CDH12: variants seen among roughly 807,000 people sequenced by gnomAD.
CDH12 encodes cadherin-12.
Under a neutral mutation model 74.1 loss-of-function variants are expected in CDH12, and 41 were observed. The observed-to-expected ratio is 0.55, with a 90% CI of 0.43 to 0.72. The LOEUF (loss-of-function observed/expected upper bound fraction) is 0.72, where lower values mean the gene tolerates loss of function less well. Among genes scored for constraint, CDH12 ranks in the 30% least tolerant of loss-of-function variants. The pLI, the probability that CDH12 is intolerant of heterozygous loss-of-function variation, is 0.00. For missense variants in CDH12, 945 were observed against 977.2 expected (o/e 0.97, Z 0.44); for synonymous variants, 399 against 355.0 (o/e 1.12, Z -1.39).
chr5:22,144,026 A>ACTGATT (rs1243067603), intron 4 of CDH12: 1 of 152,022 alleles, frequency 6.6e-6, no homozygotes, highest in East Asian at 1.9e-4. Flanking sequence ...TTATTGACGT[A>ACTGATT]CTGATTATTC....
intron 6 of CDH12, among the ~76,000 whole-genome samples, chr5:21,885,800 T>C (rs940611714): frequency 6.6e-6 from 1 of 152,148 alleles, no homozygotes; most frequent in Non-Finnish European, 1.5e-5. Flanking sequence ...TATCAGTATA[T>C]TATTAAATCT....
chr5:22,172,129 A>G (rs1749067757), intron 4 of CDH12, among the ~76,000 whole-genome samples: 1 of 151,924 alleles, frequency 6.6e-6, no homozygotes, highest in Non-Finnish European at 1.5e-5. Context: ...AAAAGAACAA[A>G]TATTTTCTTC....
intron 2 of CDH12, among the ~76,000 whole-genome samples, chr5:22,433,624 T>G (rs1050110995): frequency 6.6e-6 from 1 of 152,112 alleles, no homozygotes; most frequent in African/African-American, 2.4e-5. Flanking sequence ...AAAATTTTAA[T>G]AGATTTGAAT....
intron 3 of CDH12, among the ~76,000 whole-genome samples, chr5:22,328,640 A>C (rs1739222586): frequency 6.6e-6 from 1 of 152,202 alleles, no homozygotes; most frequent in Non-Finnish European, 1.5e-5. Context: ...TTGTGCCATA[A>C]AACAACAGGA....
chr5:22,075,774 C>G (rs1197639654), intron 5 of CDH12, among the ~76,000 whole-genome samples: 3 of 151,970 alleles, frequency 2.0e-5, no homozygotes, highest in African/African-American at 7.2e-5. Flanking sequence ...GTTCTCCTAA[C>G]CCCCCAAGTT....
chr5:22,010,961 T>C (rs1211764285), intron 5 of CDH12, among the ~76,000 whole-genome samples: 2 of 152,006 alleles, frequency 1.3e-5, no homozygotes, highest in Non-Finnish European at 2.9e-5. Context: ...AGTTTCCCTC[T>C]GAGCAAAGGT....
chr5:22,559,056 G>A (rs1485815735), intron 1 of CDH12, among the ~76,000 whole-genome samples: 8 of 151,932 alleles, frequency 5.3e-5, no homozygotes, highest in African/African-American at 9.7e-5. Flanking sequence ...CTTACCACCC[G>A]TTTACACACC....
intron 6 of CDH12, chr5:21,882,588 T>C (rs1579901524): frequency 1.3e-6 from 2 of 1,586,032 alleles, no homozygotes; most frequent in South Asian, 1.1e-5. Context: ...CCCACAGAAA[T>C]GCTTCGGTTA....
At chr5:21,890,194 T>C (rs1193325222) in intron 6 of CDH12, among the ~76,000 whole-genome samples, 1 of 152,126 alleles carries the variant, frequency 6.6e-6, no homozygotes, top group Non-Finnish European at 1.5e-5. Context: ...ACATCTACTG[T>C]ACTTTAATTG....
intron 5 of CDH12, among the ~76,000 whole-genome samples, chr5:22,015,404 T>A (rs1027154840): frequency 9.9e-5 from 15 of 152,284 alleles, no homozygotes; most frequent in African/African-American, 3.1e-4. Context: ...TTAGTGCTAA[T>A]GTAGCATGAG....
At chr5:22,338,796 C>T (rs1580538598) in intron 3 of CDH12, among the ~76,000 whole-genome samples, 4 of 152,096 alleles carry the variant, frequency 2.6e-5, no homozygotes, top group African/African-American at 9.7e-5. Flanking sequence ...AGATTCTGAT[C>T]TTAGCAGAAT....
intron 8 of CDH12, 94 bp downstream of exon 8, chr5:21,842,067 T>C (rs1749894886): frequency 3.2e-6 from 3 of 948,306 alleles, no homozygotes; most frequent in Non-Finnish European, 1.6e-6. Context: ...AGACTAAGTG[T>C]CTGGAAAATG....
chr5:22,201,659 C>T (rs1411050450), intron 4 of CDH12, among the ~76,000 whole-genome samples: 1 of 152,014 alleles, frequency 6.6e-6, no homozygotes, highest in Non-Finnish European at 1.5e-5. Flanking sequence ...ACTTGTACCC[C>T]TTAAATATAT....
intron 1 of CDH12, among the ~76,000 whole-genome samples, chr5:22,852,538 A>G (rs1354680827): frequency 6.6e-6 from 1 of 152,160 alleles, no homozygotes; most frequent in Admixed American, 6.5e-5. Context: ...TGGCTGTACC[A>G]TGAGAGGCAG....
chr5:22,827,602 A>G (rs138491576), intron 1 of CDH12, among the ~76,000 whole-genome samples: 110 of 152,318 alleles, frequency 7.2e-4, no homozygotes, highest in Middle Eastern at 3.4e-3. Context: ...TAGTCTGCCC[A>G]CTGAGGCCAG....
rs1446616287 is a variant in CDH12, at chr5:22,081,741, G to A, written c.-186-2879C>T. ...ACAACATTCATCATCATTGCCGCCA[G>A]TCTGGTCCAAATTCTCCTTTTCGCT... On this transcript the variant is annotated intron_variant, in intron 4 of 14. Transcript: ENST00000382254. 2.6e-5 allele frequency among the ~76,000 whole-genome samples: 4 copies of A among 152,306 alleles called. No individual in the cohort carries two copies. The South Asian group carries it at 6.2e-4, about 24-fold the overall frequency.
intron 4 of CDH12, among the ~76,000 whole-genome samples, chr5:22,140,193 A>G (rs1746705494): frequency 6.6e-6 from 1 of 152,104 alleles, no homozygotes; most frequent in Non-Finnish European, 1.5e-5. Flanking sequence ...GCCGAGTGCT[A>G]TTGTCACATA....
At chr5:21,946,351 T>A (rs1314051999) in intron 6 of CDH12, among the ~76,000 whole-genome samples, 2 of 152,196 alleles carry the variant, frequency 1.3e-5, no homozygotes, top group African/African-American at 4.8e-5. Flanking sequence ...AGCATAAATA[T>A]AATGTATAAT....
chr5:22,367,648 C>T (rs1029380479), intron 3 of CDH12, among the ~76,000 whole-genome samples: 3 of 152,102 alleles, frequency 2.0e-5, no homozygotes, highest in Non-Finnish European at 2.9e-5. Flanking sequence ...TATGCTTTCA[C>T]TTCTTGGCTT....
Sources: gnomAD v4.1 joint callset for allele counts (sites outside exome capture counted in the v4.1 genomes callset) on GRCh38, gnomAD v4.1.1 for gene constraint, MANE v1.5 for transcripts, NCBI Gene and HGNC (gene_info 2026-07-23, HGNC 2026-07-21) for gene names.